SMG1: variants seen among roughly 807,000 people sequenced by gnomAD.
The protein encoded by SMG1 is SMG1 nonsense mediated mRNA decay associated PI3K related kinase, also known as serine/threonine-protein kinase SMG1.
Under a neutral mutation model 419.9 loss-of-function variants are expected in SMG1, and 22 were observed. The ratio of observed to expected loss-of-function variants is 0.05; its 90% CI spans 0.04 to 0.07. The LOEUF is 0.07. Among genes scored for constraint, SMG1 ranks in the 10% least tolerant of loss-of-function variants. SMG1 has a pLI of 1.00. For synonymous variants in SMG1, 1,538 were observed against 1,553.5 expected (o/e 0.99, Z 0.23); for missense variants, 3,185 against 4,342.0 (o/e 0.73, Z 7.49).
At chr16:18,837,685 TC>T (rs1454684303) in intron 45 of SMG1, among the ~76,000 whole-genome samples, 9 of 152,168 alleles carry the variant, frequency 5.9e-5, no homozygotes, top group Non-Finnish European at 1.3e-4. Context: ...AAGACTGGCA[TC>T]CCTGGCTACC....
chr16:18,816,796 A>G (rs1346642893), intron 57 of SMG1, among the ~76,000 whole-genome samples: 1 of 152,232 alleles, frequency 6.6e-6, no homozygotes, highest in African/African-American at 2.4e-5. Flanking sequence ...GGAATCACAA[A>G]GATGACTGGC....
At chr16:18,886,495 G>A (rs1039400381) in intron 6 of SMG1, among the ~76,000 whole-genome samples, 31 of 152,162 alleles carry the variant, frequency 2.0e-4, no homozygotes, top group African/African-American at 5.8e-4. Context: ...TAAAAGAAAT[G>A]CTAGAATCAG....
intron 33 of SMG1, among the ~76,000 whole-genome samples, chr16:18,851,062 G>A (rs547902631): frequency 4.6e-5 from 7 of 152,010 alleles, no homozygotes; most frequent in African/African-American, 1.4e-4. Flanking sequence ...GCCTATGCCT[G>A]CAAAAAAAAT....
At chr16:18,845,371 G>GT in intron 39 of SMG1, 58 bp downstream of exon 39, 1 of 1,420,860 alleles carries the variant, frequency 7.0e-7, no homozygotes, top group South Asian at 1.3e-5. Flanking sequence ...TTGAAATTTC[G>GT]TATCTCATGG....
intron 10 of SMG1, among the ~76,000 whole-genome samples, chr16:18,880,773 TC>T (rs1434645032): frequency 1.4e-5 from 2 of 147,916 alleles, no homozygotes; most frequent in African/African-American, 5.0e-5. Flanking sequence ...GTGGCTCATG[TC>T]TATAATCCCA....
In SMG1 at chr16:18,926,000, G is replaced by A. The variant is rs1262718592; in HGVS notation, c.42C>T (p.Gly14=). 4 of 1,579,672 alleles carry A rather than the reference G, an allele frequency of 2.5e-6. No individual in the cohort carries two copies. The highest frequency in any genetic ancestry group is 1.4e-5 in the African/African-American group (1 of 72,468). Reference sequence around the variant, plus strand: ...GCGGATACTTGGTGCCGCCGCCGCCGCCGCCGCTGCTCAGCCGAGACCCCG... The same window carrying A: ...GCGGATACTTGGTGCCGCCGCCGCCACCGCCGCTGCTCAGCCGAGACCCCG... ...RAPGSRLSSG[G]GGGGTKYPRS... The change falls in exon 1 of 63, where the codon GGC becomes GGT. Residue 14 remains glycine (G), a synonymous_variant. Transcript: ENST00000446231.
At chr16:18,829,238 C>G in intron 54 of SMG1, 48 bp downstream of exon 54, 1 of 1,466,538 alleles carries the variant, frequency 6.8e-7, no homozygotes, top group South Asian at 1.3e-5. Flanking sequence ...CCCCATTTTT[C>G]AAGTTTCCTA....
At chr16:18,890,390 C>A (rs1169849947) in intron 5 of SMG1, among the ~76,000 whole-genome samples, 1 of 152,160 alleles carries the variant, frequency 6.6e-6, no homozygotes, top group East Asian at 1.9e-4. Flanking sequence ...GTAATCCCAA[C>A]ACTTTGGGAG....
chr16:18,853,496 T>C (rs910739653), intron 31 of SMG1, 87 bp downstream of exon 31: 2 of 1,154,610 alleles, frequency 1.7e-6, no homozygotes, highest in African/African-American at 3.1e-5. Context: ...TATGGAAAAT[T>C]ATAGCCAGCA....
chr16:18,848,175 G>C, intron 36 of SMG1, 142 bp from the exon 37 acceptor site: 1 of 669,798 alleles, frequency 1.5e-6, no homozygotes, highest in Non-Finnish European at 2.5e-6. Context: ...ACTGATTAAA[G>C]ATTGTGGATA....
intron 13 of SMG1, among the ~76,000 whole-genome samples, chr16:18,873,667 A>G (rs1404050392): frequency 1.3e-5 from 2 of 152,228 alleles, no homozygotes; most frequent in Non-Finnish European, 2.9e-5. Flanking sequence ...TAGTTTGCCG[A>G]TCTCTGGTCT....
chr16:18,854,557 C>T, intron 30 of SMG1, 99 bp downstream of exon 30: 1 of 1,135,092 alleles, frequency 8.8e-7, no homozygotes, highest in Non-Finnish European at 1.2e-6. Flanking sequence ...TGGAAATGAT[C>T]AACTTTGCTA....
intron 29 of SMG1, chr16:18,857,631 C>G (rs1219778865): frequency 6.6e-6 from 1 of 152,172 alleles, no homozygotes; most frequent in Non-Finnish European, 1.5e-5. Context: ...GGTGCATTCA[C>G]TCGAGAGAAA....
At chr16:18,840,309 A>C (rs888798694) in intron 41 of SMG1, among the ~76,000 whole-genome samples, 1 of 152,228 alleles carries the variant, frequency 6.6e-6, no homozygotes, top group African/African-American at 2.4e-5. Context: ...CACACAACTT[A>C]ATCGTTAATA....
chr16:18,828,451 G>A (rs1301521108), intron 54 of SMG1, among the ~76,000 whole-genome samples: 1 of 152,184 alleles, frequency 6.6e-6, no homozygotes, highest in Non-Finnish European at 1.5e-5. Context: ...GGAAATCAGA[G>A]CTTAAGGAAG....
At position 18,902,931 on chromosome 16, in the gene SMG1, A is replaced by T. The variant is rs576983999; in HGVS notation, c.93-5975T>A. ...ATCCGAGCTCAAGCAAACCTCCCAC[A>T]TCAGCCTCCCAAGTAGCTGAGACCA... On this transcript the variant is annotated intron_variant, in intron 1 of 62. Coordinates refer to ENST00000446231, the MANE Select transcript of SMG1 (RefSeq NM_015092.5). Among the ~76,000 whole-genome samples, 527 of 152,158 alleles carry T rather than the reference A, an allele frequency of 3.5e-3. 3 individuals are homozygous for T. Among genetic ancestry groups the T allele is most frequent in the African/African-American group, 0.012 (481 of 41,534 alleles).
intron 52 of SMG1, 51 bp from the exon 53 acceptor site, chr16:18,830,166 G>T: frequency 6.2e-7 from 1 of 1,608,130 alleles, no homozygotes. Context: ...TGACACAACT[G>T]AACAACTACT....
chr16:18,918,651 C>T (rs1376868453), intron 1 of SMG1, among the ~76,000 whole-genome samples: 2 of 152,156 alleles, frequency 1.3e-5, no homozygotes, highest in African/African-American at 2.4e-5. Flanking sequence ...TGGGTTCAAG[C>T]GATTCTCCTG....
intron 10 of SMG1, among the ~76,000 whole-genome samples, chr16:18,880,475 G>A (rs1209762104): frequency 1.3e-5 from 2 of 152,134 alleles, no homozygotes; most frequent in Admixed American, 6.5e-5. Context: ...CACTTTGACA[G>A]GATTAGCTGG....
Sources: gnomAD v4.1 joint callset for allele counts (sites outside exome capture counted in the v4.1 genomes callset) on GRCh38, gnomAD v4.1.1 for gene constraint, MANE v1.5 for transcripts, NCBI Gene and HGNC (gene_info 2026-07-23, HGNC 2026-07-21) for gene names.